Variants in VEGFC observed in about 807,000 individuals in gnomAD.
The protein encoded by VEGFC is FLT4 ligand DHM.
VEGFC carries 12 observed loss-of-function variants against 46.1 expected under a neutral mutation model. The ratio of observed to expected loss-of-function variants is 0.26; its 90% CI spans 0.17 to 0.42. The LOEUF (loss-of-function observed/expected upper bound fraction) is 0.42, where lower values mean the gene tolerates loss of function less well. Ranked by LOEUF, VEGFC falls within the 10% of genes least tolerant of loss-of-function variation. The pLI, the probability that VEGFC is intolerant of heterozygous loss-of-function variation, is 1.00. For missense variants in VEGFC, 488 were observed against 529.4 expected, an observed-to-expected ratio of 0.92 and a Z score of 0.77; for synonymous variants, 232 against 195.5, an observed-to-expected ratio of 1.19 and a Z score of -1.56.
At chr4:176,747,856 G>A (rs1181303625) in intron 1 of VEGFC, among the ~76,000 whole-genome samples, 4 of 151,984 alleles carry the variant, frequency 2.6e-5, no homozygotes, top group East Asian at 1.9e-4. Flanking sequence ...GAAGACAAAT[G>A]AGGGTCAGGA....
chr4:176,734,667 T>C (rs1040279938), intron 1 of VEGFC, among the ~76,000 whole-genome samples: 11 of 151,748 alleles, frequency 7.2e-5, no homozygotes, highest in African/African-American at 2.7e-4. Context: ...CTGCTAAAAA[T>C]AGCAAAAACT....
At chr4:176,698,540 C>T (rs1395168649) in intron 4 of VEGFC, among the ~76,000 whole-genome samples, 1 of 151,870 alleles carries the variant, frequency 6.6e-6, no homozygotes. Context: ...GAAATGATTA[C>T]CAAAATCAAG....
rs754007069 is a variant in VEGFC at position 176,792,352 on chromosome 4, G to A, written c.-41C>T. On this transcript the variant is annotated 5_prime_UTR_variant, in exon 1 of 7. Transcript: ENST00000618562. The surrounding 1 kb of genome is among the most constrained non-coding windows in gnomAD (Gnocchi z 6.3). ...GGTGGGGGACCGGTCCGCTGGCGGGGGCAGGGGTGGGGGCGCGGGCGCCCC... is the reference window on the plus strand; with the variant it reads ...GGTGGGGGACCGGTCCGCTGGCGGGAGCAGGGGTGGGGGCGCGGGCGCCCC... The A allele has an allele frequency of 1.3e-4, 184 of 1,417,384 alleles. No individual in the cohort carries two copies. Among genetic ancestry groups the A allele is most frequent in the Non-Finnish European group, 3.5e-5 (38 of 1,085,548 alleles). 87.8% of individuals were successfully genotyped at this position (1,417,384 alleles called of 1,614,324 possible). A position where few individuals can be genotyped will look rare whatever the true frequency, so the allele number is the denominator to read the frequency against.
Position 176,736,049 on chromosome 4 carries a change from C to A in VEGFC, c.148-6303G>T, listed in dbSNP as rs539028501. On this transcript the variant is annotated intron_variant, in intron 1 of 6. Transcript: ENST00000618562. ...TGCTAGAAAAAAGACACTATCTCCACCTTGAAGCCCCACCTCGAAGACCCA... is the reference window on the plus strand; with the variant it reads ...TGCTAGAAAAAAGACACTATCTCCAACTTGAAGCCCCACCTCGAAGACCCA... Among the ~76,000 whole-genome samples the A allele has an allele frequency of 2.0e-5, 3 of 151,892 alleles. No individual in the cohort carries two copies. In the East Asian group the frequency reaches 5.8e-4, roughly 29 times the overall value.
At chr4:176,699,850 G>A (rs1579093211) in intron 4 of VEGFC, among the ~76,000 whole-genome samples, 1 of 152,194 alleles carries the variant, frequency 6.6e-6, no homozygotes, top group African/African-American at 2.4e-5. Flanking sequence ...AAAGGCACAT[G>A]CTTAATCGTA....
intron 1 of VEGFC, among the ~76,000 whole-genome samples, chr4:176,790,999 T>C (rs1736081206): frequency 1.3e-5 from 2 of 152,210 alleles, no homozygotes; most frequent in Admixed American, 1.3e-4. Flanking sequence ...TTTTAATGTT[T>C]TCCCAAAATT....
intron 4 of VEGFC, among the ~76,000 whole-genome samples, chr4:176,703,399 C>T (rs138627622): frequency 2.4e-4 from 36 of 152,094 alleles, no homozygotes; most frequent in Non-Finnish European, 3.7e-4. Flanking sequence ...CTCATGTTCT[C>T]ACTCATTTAT....
intron 4 of VEGFC, among the ~76,000 whole-genome samples, chr4:176,695,449 T>C (rs1734292696): frequency 6.6e-6 from 1 of 151,690 alleles, no homozygotes; most frequent in East Asian, 2.0e-4. Flanking sequence ...AATCTCTGAA[T>C]AGACCAATAA....
At chr4:176,693,060 A>T (rs900532064) in intron 4 of VEGFC, among the ~76,000 whole-genome samples, 1 of 152,088 alleles carries the variant, frequency 6.6e-6, no homozygotes, top group Non-Finnish European at 1.5e-5. Context: ...AAGTCTAAAA[A>T]GCAGAGTGCC....
chr4:176,693,478 G>A (rs1203864010), intron 4 of VEGFC, among the ~76,000 whole-genome samples: 4 of 141,460 alleles, frequency 2.8e-5, no homozygotes, highest in Admixed American at 7.0e-5. Flanking sequence ...GGGACTATGT[G>A]AAAAGACCAA....
rs374947493 is a variant in VEGFC, at chr4:176,729,755, G to A, written c.148-9C>T. 1.6e-4 allele frequency: 251 copies of A among 1,557,862 alleles called. No individual in the cohort carries two copies. The highest frequency in any genetic ancestry group is 2.1e-4 in the Non-Finnish European group (247 of 1,153,610). On this transcript the variant is annotated splice_polypyrimidine_tract_variant and intron_variant, in intron 1 of 6. Coordinates refer to ENST00000618562, the MANE Select transcript of VEGFC (RefSeq NM_005429.5). Reference sequence around the variant, plus strand: ...TCTTTGCTTGCATAAGCCTGTCAAAGAAAAATGCAAGATCAATGACTTACC... The same window carrying A: ...TCTTTGCTTGCATAAGCCTGTCAAAAAAAAATGCAAGATCAATGACTTACC...
intron 1 of VEGFC, among the ~76,000 whole-genome samples, chr4:176,735,516 C>A (rs2111024608): frequency 6.6e-6 from 1 of 152,016 alleles, no homozygotes; most frequent in Admixed American, 6.6e-5. Context: ...GCCAGGACCA[C>A]CTTTTCTTGT....
At chr4:176,742,988 G>C (rs956396977) in intron 1 of VEGFC, among the ~76,000 whole-genome samples, 2 of 152,154 alleles carry the variant, frequency 1.3e-5, no homozygotes, top group East Asian at 3.9e-4. Flanking sequence ...TGAGTTTAGC[G>C]AACTACAGAA....
chr4:176,692,956 C>T (rs1173590154), intron 4 of VEGFC, among the ~76,000 whole-genome samples: 2 of 148,618 alleles, frequency 1.3e-5, no homozygotes, highest in African/African-American at 5.2e-5. Flanking sequence ...GAAAGGACAT[C>T]CACACCGAAA....
intron 5 of VEGFC, 142 bp downstream of exon 5, chr4:176,687,679 C>A: frequency 1.1e-6 from 1 of 934,350 alleles, no homozygotes; most frequent in South Asian, 1.9e-5. Flanking sequence ...AAAATAATAC[C>A]AACGTGAAGT....
At chr4:176,760,947 T>C (rs909578123) in intron 1 of VEGFC, among the ~76,000 whole-genome samples, 1 of 152,120 alleles carries the variant, frequency 6.6e-6, no homozygotes, top group Non-Finnish European at 1.5e-5. Context: ...CATACATAGG[T>C]AGGAAAAAGA....
intron 1 of VEGFC, among the ~76,000 whole-genome samples, chr4:176,780,195 C>G (rs1184679965): frequency 1.3e-5 from 2 of 152,020 alleles, no homozygotes; most frequent in African/African-American, 4.8e-5. Flanking sequence ...GCCTGGCCAA[C>G]AGGGTGAAAC....
At chr4:176,726,532 A>G (rs1734876743) in intron 3 of VEGFC, among the ~76,000 whole-genome samples, 1 of 152,140 alleles carries the variant, frequency 6.6e-6, no homozygotes, top group South Asian at 2.1e-4. Flanking sequence ...TTTCTTTATC[A>G]AGTGGGTGAG....
intron 1 of VEGFC, among the ~76,000 whole-genome samples, chr4:176,733,755 A>G (rs922138182): frequency 1.3e-5 from 2 of 151,824 alleles, no homozygotes; most frequent in African/African-American, 4.8e-5. Context: ...ACCCTTATTA[A>G]AAAGAATAGA....
Sources: gnomAD v4.1 joint callset for allele counts (sites outside exome capture counted in the v4.1 genomes callset) on GRCh38, gnomAD v4.1.1 for gene constraint, Gnocchi (gnomAD v3.1) non-coding constraint, MANE v1.5 for transcripts, NCBI Gene and HGNC (gene_info 2026-07-23, HGNC 2026-07-21) for gene names.